Variants in MAP9 observed in about 807,000 individuals in gnomAD.
MAP9 encodes the protein microtubule associated protein 9, also known as microtubule-associated protein 9.
A neutral mutation model predicts 75.2 loss-of-function variants in MAP9; 80 were observed. The ratio of observed to expected loss-of-function variants is 1.06; its 90% CI spans 0.89 to 1.28. MAP9 has a LOEUF of 1.28. MAP9 is among the 50% of genes most tolerant of loss of function. The pLI is 0.00. For missense variants in MAP9, 753 were observed against 719.9 expected (o/e 1.05, Z -0.53); for synonymous variants, 235 against 237.3 (o/e 0.99, Z 0.09).
At chr4:155,364,481 T>C (rs920322039) in intron 5 of MAP9, among the ~76,000 whole-genome samples, 4 of 148,150 alleles carry the variant, frequency 2.7e-5, no homozygotes, top group Non-Finnish European at 6.0e-5. Flanking sequence ...ATATAATATA[T>C]AAGAATAGAA....
At position 155,345,439 on chromosome 4, in the gene MAP9, T is replaced by G. The variant is rs1039814266; in HGVS notation, c.*2344A>C. ...CCCTAATACAAGGCATCTTTCTGTT[T>G]TTTTGTTTTGTTTTGTTTTGTTTTG... On this transcript the variant is annotated 3_prime_UTR_variant, in exon 14 of 14. Coordinates refer to ENST00000311277, the MANE Select transcript of MAP9 (RefSeq NM_001039580.2). The G allele has an allele frequency of 1.6e-5, 2 of 124,070 alleles. No individual in the cohort carries two copies. The highest frequency in any genetic ancestry group is 6.6e-5 in the African/African-American group (2 of 30,214). 7.7% of individuals were successfully genotyped at this position (124,070 alleles called of 1,614,324 possible). A position where few individuals can be genotyped will look rare whatever the true frequency, so the allele number is the denominator to read the frequency against.
intron 5 of MAP9, among the ~76,000 whole-genome samples, chr4:155,364,755 A>G (rs1732248723): frequency 6.6e-6 from 1 of 151,344 alleles, no homozygotes; most frequent in Non-Finnish European, 1.5e-5. Context: ...ATATGGAACT[A>G]TATTATTCCA....
chr4:155,353,179 T>A lies in MAP9; in HGVS notation c.1542A>T (p.Gln514His), dbSNP rs1286128390. ...TTAAGATGTGCAAAGTTCTGAATAC[T>A]TGTAGTGCTTCTCCTTTTCTTGCAG... ...ENAARKGEAL[Q>H]AFEKWKEKKM... Residue 514 changes from glutamine to histidine, a missense_variant and splice_region_variant, in exon 11 of 14, where the codon CAA becomes CAT. Transcript: ENST00000311277. The A allele has an allele frequency of 6.3e-7, 1 of 1,590,606 alleles. No individual in the cohort carries two copies. Among genetic ancestry groups the A allele is most frequent in the Non-Finnish European group, 8.5e-7 (1 of 1,171,826 alleles).
intron 13 of MAP9, among the ~76,000 whole-genome samples, chr4:155,352,025 AAG>A (rs1455235802): frequency 6.6e-6 from 1 of 151,992 alleles, no homozygotes; most frequent in African/African-American, 2.4e-5. Context: ...CATCAACAAA[AAG>A]TAACTTTTAT....
At chr4:155,371,488 T>C (rs1481918683) in intron 4 of MAP9, among the ~76,000 whole-genome samples, 1 of 151,724 alleles carries the variant, frequency 6.6e-6, no homozygotes, top group Non-Finnish European at 1.5e-5. Context: ...TCTACAAAAA[T>C]TCCACTTCCA....
Position 155,355,144 on chromosome 4 carries a change from T to G in MAP9, c.1307A>C (p.Lys436Thr). 1 of 1,301,296 alleles carries G rather than the reference T, an allele frequency of 7.7e-7. No homozygotes were observed. The highest frequency in any genetic ancestry group is 1.1e-6 in the Non-Finnish European group (1 of 947,492). The allele number at this position is 1,301,296 out of a possible 1,614,324, so 80.6% of individuals were successfully genotyped here. A position where few individuals can be genotyped will look rare whatever the true frequency, so the allele number is the denominator to read the frequency against. Reference sequence around the variant, plus strand: ...GTGCATTTCATGTAAATACACATTTTTCTTTTCTAACCACTCCTATAAGAA... The same window carrying G: ...GTGCATTTCATGTAAATACACATTTGTCTTTTCTAACCACTCCTATAAGAA... The part of the protein sequence containing the change: ...AAVYQEWLEK[K>T]NVYLHEMHRI... Residue 436 changes from lysine (K) to threonine (T), a missense_variant, in exon 10 of 14, where the codon AAA becomes ACA. Coordinates refer to ENST00000311277, the MANE Select transcript of MAP9 (RefSeq NM_001039580.2).
chr4:155,362,351 G>A, intron 5 of MAP9: 1 of 413,552 alleles, frequency 2.4e-6, no homozygotes, highest in East Asian at 4.0e-5. Flanking sequence ...TCATTAAAAG[G>A]GGTCACTGAA....
intron 2 of MAP9, among the ~76,000 whole-genome samples, chr4:155,375,521 T>C (rs1245884786): frequency 6.6e-6 from 1 of 152,118 alleles, no homozygotes; most frequent in Non-Finnish European, 1.5e-5. Flanking sequence ...AGTTTTTATA[T>C]AAAAATGGCA....
chr4:155,355,642 T>G, intron 9 of MAP9, 74 bp downstream of exon 9: 1 of 1,180,720 alleles, frequency 8.5e-7, no homozygotes, highest in Non-Finnish European at 1.2e-6. Context: ...TCAGGATTAC[T>G]TTATTCTTTA....
intron 7 of MAP9, among the ~76,000 whole-genome samples, chr4:155,358,728 A>C (rs1205266780): frequency 1.3e-5 from 2 of 152,134 alleles, no homozygotes; most frequent in Non-Finnish European, 1.5e-5. Context: ...ACAACAACAA[A>C]AAACAAATAA....
At chr4:155,365,433 TGGTAAC>T (rs757162020) in intron 5 of MAP9, among the ~76,000 whole-genome samples, 12 of 152,168 alleles carry the variant, frequency 7.9e-5, no homozygotes, top group South Asian at 6.2e-4. Context: ...ACCCCTAAGT[TGGTAAC>T]GGGTAAACAA....
At chr4:155,352,863 G>T in intron 12 of MAP9, 49 bp downstream of exon 12, 1 of 1,439,808 alleles carries the variant, frequency 6.9e-7, no homozygotes, top group Non-Finnish European at 9.4e-7. Flanking sequence ...AAATCCTGAA[G>T]TGTTACTATA....
chr4:155,373,280 C>T lies in MAP9; in HGVS notation c.337G>A (p.Glu113Lys), dbSNP rs1223384291. 1 of 1,613,712 alleles carries T rather than the reference C, an allele frequency of 6.2e-7. No individual in the cohort carries two copies. The highest frequency in any genetic ancestry group is 8.5e-7 in the Non-Finnish European group (1 of 1,179,910). ...CACCCATCAGGTGCCATTTCCTCTT[C>T]ATTTTTGATGGCACACACTGGCTCA... is the stretch of plus-strand genomic sequence containing the variant. ...KDEPVCAIKN[E>K]EEMAPDGCED... is the part of the protein sequence containing the mutation. The change falls in exon 4 of 14, where the codon GAA (glutamate) becomes AAA (lysine). Residue 113 changes from glutamate (E) to lysine (K), a missense_variant. Physicochemically the swap from Glu to Lys is moderately conservative, Grantham distance 56. Coordinates refer to ENST00000311277, the MANE Select transcript of MAP9 (RefSeq NM_001039580.2).
At chr4:155,370,441 CTG>C (rs550444889) in intron 4 of MAP9, among the ~76,000 whole-genome samples, 4 of 152,284 alleles carry the variant, frequency 2.6e-5, no homozygotes, top group Admixed American at 6.5e-5. Context: ...ATTTTGTCAT[CTG>C]TGTTTCTGAA....
chr4:155,365,884 G>A (rs1732299742), intron 5 of MAP9, among the ~76,000 whole-genome samples: 1 of 151,472 alleles, frequency 6.6e-6, no homozygotes, highest in Non-Finnish European at 1.5e-5. Flanking sequence ...GAGATCACAA[G>A]GGAAGTTAAA....
intron 3 of MAP9, among the ~76,000 whole-genome samples, chr4:155,373,858 A>G (rs889752735): frequency 6.6e-6 from 1 of 152,202 alleles, no homozygotes; most frequent in Admixed American, 6.5e-5. Flanking sequence ...TGTAAATGGA[A>G]GAATTTAATT....
intron 2 of MAP9, 125 bp downstream of exon 2, chr4:155,375,651 G>A (rs1174097980): frequency 1.3e-5 from 7 of 522,718 alleles, no homozygotes. Context: ...ATGATCATGT[G>A]CAAAACCTCA....
intron 4 of MAP9, among the ~76,000 whole-genome samples, chr4:155,369,592 C>T (rs1024897963): frequency 2.6e-5 from 4 of 152,034 alleles, no homozygotes; most frequent in Admixed American, 6.6e-5. Flanking sequence ...ATCAACAAAG[C>T]GGCAATGGAC....
Position 155,355,383 on chromosome 4 carries a change from T to A in MAP9, c.1291-223A>T, listed in dbSNP as rs1351708509. ...CTCAGGAAAGAAAAAATTTAATAACTTTTTGTTCATAATAACTCCTTTTGT... is the reference window on the plus strand; with the variant it reads ...CTCAGGAAAGAAAAAATTTAATAACATTTTGTTCATAATAACTCCTTTTGT... On this transcript the variant is annotated intron_variant, in intron 9 of 13. Coordinates refer to ENST00000311277, the MANE Select transcript of MAP9 (RefSeq NM_001039580.2). Among the ~76,000 whole-genome samples the A allele has an allele frequency of 2.6e-5, 4 of 152,136 alleles. No homozygotes were observed. The South Asian group carries it at 8.3e-4, about 31-fold the overall frequency.
Sources: allele counts gnomAD v4.1 joint callset (sites outside exome capture counted in the v4.1 genomes callset), GRCh38; gene constraint gnomAD v4.1.1; transcripts MANE v1.5; gene names NCBI Gene and HGNC (gene_info 2026-07-23, HGNC 2026-07-21).